QTMAN: variants seen among roughly 807,000 people sequenced by gnomAD.
QTMAN encodes the protein tRNA-queuosine alpha-mannosyltransferase.
At chr2:144,262,602 A>G in the QTMAN span, among the ~76,000 whole-genome samples, 11 of 68,406 alleles carry the variant, frequency 1.6e-4, no homozygotes, top group South Asian at 5.8e-4. Flanking sequence ...GGGAGAGAGG[A>G]GGGGAGGGGA....
At chr2:144,228,652 GAA>G in the QTMAN span, among the ~76,000 whole-genome samples, 2 of 152,148 alleles carry the variant, frequency 1.3e-5, no homozygotes, top group Non-Finnish European at 2.9e-5. Flanking sequence ...GGGCACCTTA[GAA>G]AGTGGCTTAA....
At chr2:144,142,457 T>C in the QTMAN span, among the ~76,000 whole-genome samples, 3 of 152,042 alleles carry the variant, frequency 2.0e-5, no homozygotes, top group Admixed American at 1.3e-4. Flanking sequence ...TTTTACACCA[T>C]ACTACCGAGA....
the QTMAN span, among the ~76,000 whole-genome samples, chr2:143,984,117 C>T: frequency 6.6e-6 from 1 of 152,134 alleles, no homozygotes; most frequent in Admixed American, 6.5e-5. Flanking sequence ...TTCATTATTC[C>T]TTCTCATGAT....
the QTMAN span, among the ~76,000 whole-genome samples, chr2:144,059,969 A>T: frequency 2.0e-5 from 3 of 151,960 alleles, no homozygotes; most frequent in African/African-American, 7.3e-5. Context: ...CACAGCTCTT[A>T]ACTATATCTG....
chr2:144,168,278 T>C, the QTMAN span, among the ~76,000 whole-genome samples: 1 of 152,202 alleles, frequency 6.6e-6, no homozygotes, highest in Non-Finnish European at 1.5e-5. Flanking sequence ...AGCAGATCCT[T>C]CTGCAGCTCA....
chr2:144,247,472 TCTAA>T, the QTMAN span, among the ~76,000 whole-genome samples: 7 of 152,182 alleles, frequency 4.6e-5, no homozygotes, highest in East Asian at 1.2e-3. Context: ...AAAATTGGAA[TCTAA>T]CTATACTGGG....
At chr2:143,987,890 C>CA in the QTMAN span, among the ~76,000 whole-genome samples, 3 of 152,090 alleles carry the variant, frequency 2.0e-5, no homozygotes, top group East Asian at 5.8e-4. Flanking sequence ...CCCGCAACCC[C>CA]AAAAAACACA....
At chr2:144,061,490 G>A in the QTMAN span, among the ~76,000 whole-genome samples, 2 of 152,094 alleles carry the variant, frequency 1.3e-5, no homozygotes, top group African/African-American at 4.8e-5. Flanking sequence ...TCACTCTGTT[G>A]ACTTTATTAG....
At chr2:143,986,509 C>T in the QTMAN span, among the ~76,000 whole-genome samples, 10 of 152,350 alleles carry the variant, frequency 6.6e-5, no homozygotes, top group South Asian at 2.1e-3. Context: ...CAATTGTTCA[C>T]CAAATCACAT....
At chr2:144,295,794 T>C in the QTMAN span, among the ~76,000 whole-genome samples, 1 of 151,872 alleles carries the variant, frequency 6.6e-6, no homozygotes, top group African/African-American at 2.4e-5. Context: ...TAAATTTTTT[T>C]GTAGAGACGG....
At chr2:144,297,900 G>GA in the QTMAN span, among the ~76,000 whole-genome samples, 108 of 144,684 alleles carry the variant, frequency 7.5e-4, no homozygotes, top group Non-Finnish European at 1.4e-3. Flanking sequence ...TCTTAAAAAA[G>GA]AAAAAAAAAG....
At chr2:144,134,100 C>T in the QTMAN span, among the ~76,000 whole-genome samples, 2 of 152,126 alleles carry the variant, frequency 1.3e-5, no homozygotes, top group Non-Finnish European at 2.9e-5. Flanking sequence ...TGGGGAGCCA[C>T]GGGGGCTGCC....
At chr2:144,107,826 CCT>C in the QTMAN span, among the ~76,000 whole-genome samples, 2 of 152,252 alleles carry the variant, frequency 1.3e-5, no homozygotes, top group South Asian at 4.1e-4. Context: ...GGTCAATATC[CCT>C]GATGAACATT....
the QTMAN span, chr2:144,006,610 T>C: frequency 6.6e-6 from 1 of 152,098 alleles, no homozygotes; most frequent in South Asian, 2.1e-4. Flanking sequence ...TTTGGTGAGA[T>C]CACATACTGC....
At chr2:144,213,991 A>G in the QTMAN span, among the ~76,000 whole-genome samples, 2 of 152,164 alleles carry the variant, frequency 1.3e-5, no homozygotes, top group Non-Finnish European at 2.9e-5. Flanking sequence ...AAAAGTTAGT[A>G]TTACCTTCCA....
the QTMAN span, among the ~76,000 whole-genome samples, chr2:144,184,550 A>C: frequency 6.6e-6 from 1 of 152,190 alleles, no homozygotes; most frequent in Non-Finnish European, 1.5e-5. Flanking sequence ...AACACGGTTA[A>C]TACAGTAATG....
chr2:144,039,946 T>C, the QTMAN span, among the ~76,000 whole-genome samples: 1 of 152,218 alleles, frequency 6.6e-6, no homozygotes, highest in African/African-American at 2.4e-5. Context: ...TGTGAAAAGC[T>C]ACAGCCAGCT....
chr2:144,246,598 A>AAAAAAAAAAAAAAG, the QTMAN span, among the ~76,000 whole-genome samples: 1 of 148,978 alleles, frequency 6.7e-6, no homozygotes, highest in African/African-American at 2.5e-5. Flanking sequence ...AAAAAAAAAA[A>AAAAAAAAAAAAAAG]AAAAGAAAAG....
chr2:144,247,383 A>G, the QTMAN span, among the ~76,000 whole-genome samples: 1 of 152,246 alleles, frequency 6.6e-6, no homozygotes, highest in Non-Finnish European at 1.5e-5. Flanking sequence ...AGTCAGAAGC[A>G]AACTTTTCAT....
Sources: allele counts gnomAD v4.1 joint callset (sites outside exome capture counted in the v4.1 genomes callset), GRCh38; gene constraint gnomAD v4.1.1; transcripts MANE v1.5; gene names NCBI Gene and HGNC (gene_info 2026-07-23, HGNC 2026-07-21).